Variants in YIPF7 observed in about 807,000 individuals in gnomAD.
The protein encoded by YIPF7 is Yip1 domain family member 7.
In YIPF7, 35 loss-of-function variants were observed where a neutral mutation model predicts 27.2. That is an observed-to-expected ratio of 1.29 (90% CI 0.98 to 1.70). YIPF7 has a LOEUF of 1.70. Among genes scored for constraint, YIPF7 ranks in the 40% most tolerant of loss-of-function variants. The pLI is 0.00. For synonymous variants in YIPF7, 137 were observed against 110.4 expected, an observed-to-expected ratio of 1.24 and a Z score of -1.51; for missense variants, 358 against 303.7, an observed-to-expected ratio of 1.18 and a Z score of -1.33.
chr4:44,622,396 T>C lies in YIPF7; in HGVS notation c.*18A>G. The C allele has an allele frequency of 1.2e-6, 2 of 1,604,672 alleles. No individual in the cohort carries two copies. Among genetic ancestry groups the C allele is most frequent in the Non-Finnish European group, 8.5e-7 (1 of 1,175,972 alleles). On this transcript the variant is annotated 3_prime_UTR_variant, in exon 6 of 6. Coordinates refer to ENST00000415895, the MANE Select transcript of YIPF7 (RefSeq NM_182592.3). ...CTGGACAGCAAACAGAGTCTTGAAA[T>C]GCCATCTCAAACATTCTTTAGAAAA...
chr4:44,640,308 T>C (rs908057057), intron 2 of YIPF7, among the ~76,000 whole-genome samples: 1 of 152,230 alleles, frequency 6.6e-6, no homozygotes, highest in Non-Finnish European at 1.5e-5. Context: ...TGTGAATTCA[T>C]GTGGTCCAGG....
intron 4 of YIPF7, among the ~76,000 whole-genome samples, chr4:44,626,435 T>G (rs1712638942): frequency 6.6e-6 from 1 of 152,174 alleles, no homozygotes; most frequent in Non-Finnish European, 1.5e-5. Context: ...ATAGGACAAC[T>G]CTCTTACACC....
intron 2 of YIPF7, among the ~76,000 whole-genome samples, chr4:44,643,550 C>T (rs1713412704): frequency 6.6e-6 from 1 of 152,104 alleles, no homozygotes; most frequent in Admixed American, 6.6e-5. Flanking sequence ...AAAAAAAGAG[C>T]CATGTGCTAT....
intron 2 of YIPF7, among the ~76,000 whole-genome samples, chr4:44,657,904 TG>T (rs2109606499): frequency 6.6e-6 from 1 of 152,158 alleles, no homozygotes; most frequent in African/African-American, 2.4e-5. Flanking sequence ...TTAGTGGGAT[TG>T]GGGTGGAAGT....
chr4:44,647,839 T>TTA (rs909258014), intron 2 of YIPF7, among the ~76,000 whole-genome samples: 2 of 152,120 alleles, frequency 1.3e-5, no homozygotes, highest in African/African-American at 2.4e-5. Context: ...CCACTGCCTG[T>TTA]TATATGTATT....
At chr4:44,645,866 C>A (rs1022401321) in intron 2 of YIPF7, among the ~76,000 whole-genome samples, 2 of 151,588 alleles carry the variant, frequency 1.3e-5, no homozygotes, top group African/African-American at 4.9e-5. Context: ...TGAAAAATAG[C>A]ATTTTATTTT....
chr4:44,623,103 G>A lies in YIPF7; in HGVS notation c.609-527C>T, dbSNP rs967913411. 3.3e-4 allele frequency among the ~76,000 whole-genome samples: 50 copies of A among 152,200 alleles called. 1 individual carries two copies. Among genetic ancestry groups the A allele is most frequent in the Admixed American group, 2.9e-3 (44 of 15,288 alleles). On this transcript the variant is annotated intron_variant, in intron 5 of 5. Coordinates refer to ENST00000415895, the MANE Select transcript of YIPF7 (RefSeq NM_182592.3). ...ACACATGGGACAGGAAAGCACATAT[G>A]TGTGTGGCTTCCCACCTCATCCTTG...
chr4:44,661,416 A>C (rs1162800605), intron 1 of YIPF7, among the ~76,000 whole-genome samples: 3 of 152,214 alleles, frequency 2.0e-5, no homozygotes, highest in Non-Finnish European at 4.4e-5. Context: ...CTTGGGAAGA[A>C]ACACTGGTTG....
At chr4:44,622,912 G>A (rs1712492357) in intron 5 of YIPF7, among the ~76,000 whole-genome samples, 1 of 152,112 alleles carries the variant, frequency 6.6e-6, no homozygotes, top group Non-Finnish European at 1.5e-5. Context: ...CTTCCTTATA[G>A]CTACAGATTT....
At chr4:44,638,793 T>A (rs1713224344) in intron 2 of YIPF7, among the ~76,000 whole-genome samples, 1 of 152,210 alleles carries the variant, frequency 6.6e-6, no homozygotes, top group Non-Finnish European at 1.5e-5. Flanking sequence ...GTTTTCCCTA[T>A]GTTTTATTCA....
In YIPF7 at chr4:44,624,606, T is replaced by TGAA. The variant is rs1560322093; in HGVS notation, c.600_602dup (p.Ser201dup). 5 of 1,584,416 alleles carry TGAA rather than the reference T, an allele frequency of 3.2e-6. No individual in the cohort carries two copies. Among genetic ancestry groups the TGAA allele is most frequent in the Non-Finnish European group, 4.3e-6 (5 of 1,166,690 alleles). On this transcript the variant is annotated inframe_insertion, in exon 5 of 6. Coordinates refer to ENST00000415895, the MANE Select transcript of YIPF7 (RefSeq NM_182592.3). ...GAGAGCACACAGACACTTACTGCAG[T>TGAA]GAAAAGAACATGGCGCAACCAGACA...
intron 2 of YIPF7, among the ~76,000 whole-genome samples, chr4:44,647,497 A>G (rs1260112162): frequency 1.3e-5 from 2 of 152,160 alleles, no homozygotes; most frequent in Non-Finnish European, 2.9e-5. Context: ...ATCTTAGTAG[A>G]TATCTTTCAT....
At chr4:44,630,579 A>C (rs943510384) in intron 3 of YIPF7, among the ~76,000 whole-genome samples, 7 of 152,206 alleles carry the variant, frequency 4.6e-5, no homozygotes, top group African/African-American at 1.7e-4. Flanking sequence ...TTTCTCTTTT[A>C]TACATGGTAG....
At chr4:44,653,290 A>G (rs1159334173), upstream of YIPF7, among the ~76,000 whole-genome samples, 1 of 152,110 alleles carries the variant, frequency 6.6e-6, no homozygotes, top group Non-Finnish European at 1.5e-5. Context: ...AAGGTTACAT[A>G]ATTGAAATGA....
chr4:44,634,656 A>G (rs949502491), intron 3 of YIPF7, among the ~76,000 whole-genome samples: 19 of 152,242 alleles, frequency 1.2e-4, no homozygotes. Context: ...ATATTCATAC[A>G]TAATACATAT....
upstream of YIPF7, chr4:44,651,776 C>T: frequency 2.2e-6 from 1 of 456,000 alleles, no homozygotes; most frequent in Non-Finnish European, 3.9e-6. Flanking sequence ...ACACAGTGAA[C>T]AGTGTTACAG....
upstream of YIPF7, among the ~76,000 whole-genome samples, chr4:44,654,447 C>T (rs1049701839): frequency 3.3e-5 from 5 of 151,598 alleles, no homozygotes; most frequent in African/African-American, 9.7e-5. Flanking sequence ...CTTTTCTCTC[C>T]CCCCTCTCTC....
rs1334329257 is a variant in YIPF7, at chr4:44,635,887, G to A, written c.280+35C>T. 1.9e-6 allele frequency: 3 copies of A among 1,607,440 alleles called. No individual in the cohort carries two copies. In the East Asian group the frequency reaches 6.7e-5, roughly 36 times the overall value. On this transcript the variant is annotated intron_variant, in intron 3 of 5. Transcript: ENST00000415895. Reference sequence around the variant, plus strand: ...GCTAATTATTGCTATTATTCTTCTAGCTGTACACACATTAATAACACTTCC... The same window carrying A: ...GCTAATTATTGCTATTATTCTTCTAACTGTACACACATTAATAACACTTCC...
chr4:44,628,541 T>C (rs1712753313), intron 4 of YIPF7, among the ~76,000 whole-genome samples: 2 of 152,172 alleles, frequency 1.3e-5, no homozygotes, highest in South Asian at 4.1e-4. Flanking sequence ...TTTATCTCTT[T>C]GTGTCTTAAT....
Sources: gnomAD v4.1 joint callset for allele counts (sites outside exome capture counted in the v4.1 genomes callset) on GRCh38, gnomAD v4.1.1 for gene constraint, MANE v1.5 for transcripts, NCBI Gene and HGNC (gene_info 2026-07-23, HGNC 2026-07-21) for gene names.